The following EYS variants were observed in gnomAD, a reference collection of about 807,000 sequenced individuals.
The protein encoded by EYS is EGF-like photoreceptor maintenance factor.
EYS carries 250 observed loss-of-function variants against 282.1 expected under a neutral mutation model. The observed-to-expected ratio is 0.89, with a 90% CI of 0.80 to 0.98. The LOEUF is 0.98. Among genes scored for constraint, EYS ranks in the 50% least tolerant of loss-of-function variants. The pLI is 0.00. For synonymous variants in EYS, 1,355 were observed against 1,282.9 expected (o/e 1.06, Z -1.20); for missense variants, 4,016 against 3,709.0 (o/e 1.08, Z -2.15).
At chr6:64,059,810 G>A (rs1224088798) in intron 33 of EYS, among the ~76,000 whole-genome samples, 1 of 152,066 alleles carries the variant, frequency 6.6e-6, no homozygotes, top group Non-Finnish European at 1.5e-5. Flanking sequence ...TGTACAGACA[G>A]GCTATGCATG....
At chr6:63,762,131 A>G (rs1194331221) in intron 41 of EYS, among the ~76,000 whole-genome samples, 1 of 152,076 alleles carries the variant, frequency 6.6e-6, no homozygotes, top group African/African-American at 2.4e-5. Context: ...AGAGGCTCCC[A>G]GAGATGAAGT....
Position 64,484,944 on chromosome 6 carries a change from A to G in EYS, c.5645-45592T>C, listed in dbSNP as rs545987219. ...CTGGCCTGAGTTAAATGCTATTCTAATAAGAGGTATCCACTAGATATGATT... is the reference window on the plus strand; with the variant it reads ...CTGGCCTGAGTTAAATGCTATTCTAGTAAGAGGTATCCACTAGATATGATT... On this transcript the variant is annotated intron_variant, in intron 26 of 42. Transcript: ENST00000503581. Among the ~76,000 whole-genome samples, 15 of 151,756 alleles carry G rather than the reference A, an allele frequency of 9.9e-5. No individual in the cohort carries two copies. In the South Asian group the frequency reaches 3.1e-3, roughly 31 times the overall value.
chr6:65,414,575 T>G (rs1025049867), intron 5 of EYS, among the ~76,000 whole-genome samples: 1 of 152,108 alleles, frequency 6.6e-6, no homozygotes, highest in Non-Finnish European at 1.5e-5. Context: ...AAAGGAAGAT[T>G]TAATCTTTTT....
chr6:65,634,473 T>A (rs540106509), intron 2 of EYS, among the ~76,000 whole-genome samples: 27 of 152,184 alleles, frequency 1.8e-4, no homozygotes, highest in Non-Finnish European at 3.8e-4. Context: ...CTACACCCAC[T>A]CCCTTAGCGA....
chr6:65,589,522 A>C (rs920555082), intron 2 of EYS, among the ~76,000 whole-genome samples: 13 of 151,932 alleles, frequency 8.6e-5, no homozygotes, highest in African/African-American at 3.1e-4. Context: ...GAAATGGTTG[A>C]TTCTTATCTT....
intron 26 of EYS, among the ~76,000 whole-genome samples, chr6:64,459,889 T>A (rs3889871): frequency 0.28 from 41,914 of 151,360 alleles, 5,942 homozygotes; most frequent in East Asian, 0.47. Context: ...GCATCCTTCA[T>A]TCCAATCAAG....
intron 31 of EYS, among the ~76,000 whole-genome samples, chr6:64,228,498 T>C (rs1766318352): frequency 6.6e-6 from 1 of 152,166 alleles, no homozygotes; most frequent in Non-Finnish European, 1.5e-5. Context: ...AATTACTAAT[T>C]ATTGATAAAA....
In EYS at chr6:64,720,239, A is replaced by T. The variant is rs1771532041; in HGVS notation, c.3443+93139T>A. Among the ~76,000 whole-genome samples, 3 of 152,046 alleles carry T rather than the reference A, an allele frequency of 2.0e-5. No individual in the cohort carries two copies. In the South Asian group the frequency reaches 6.2e-4, roughly 31 times the overall value. On this transcript the variant is annotated intron_variant, in intron 22 of 42. Coordinates refer to ENST00000503581, the MANE Select transcript of EYS (RefSeq NM_001142800.2). Reference sequence around the variant, plus strand: ...AAAGCCAGCAGTGCAGCATCTTCACATCCTTCTCTAACCTCTGCTTCCTTC... The same window carrying T: ...AAAGCCAGCAGTGCAGCATCTTCACTTCCTTCTCTAACCTCTGCTTCCTTC...
rs149598988 is a variant in EYS, at chr6:63,917,597, G to A, written c.7056-53239C>T. 4.6e-3 allele frequency among the ~76,000 whole-genome samples: 696 copies of A among 152,258 alleles called. 6 individuals carry two copies. The highest frequency in any genetic ancestry group is 0.016 in the African/African-American group (670 of 41,546). ...TAACTTATGAACACTGGGAAAAATT[G>A]TGGATAAAATGTTCTTAAAATTATT... On this transcript the variant is annotated intron_variant, in intron 35 of 42. Transcript: ENST00000503581.
intron 28 of EYS, among the ~76,000 whole-genome samples, chr6:64,435,477 T>G: frequency 6.6e-6 from 1 of 151,030 alleles, no homozygotes; most frequent in African/African-American, 2.4e-5. Context: ...TTTAAACAGA[T>G]GTTTCCTTTT....
At chr6:65,203,241 C>A (rs1765947435) in intron 12 of EYS, among the ~76,000 whole-genome samples, 2 of 152,184 alleles carry the variant, frequency 1.3e-5, no homozygotes, top group East Asian at 1.9e-4. Context: ...ATTTAACTGG[C>A]TTTTAGCCAA....
At chr6:64,840,190 A>G (rs1311951262) in intron 19 of EYS, among the ~76,000 whole-genome samples, 1 of 152,054 alleles carries the variant, frequency 6.6e-6, no homozygotes, top group Non-Finnish European at 1.5e-5. Context: ...CATAATATCT[A>G]CTTTACATAT....
At position 64,675,428 on chromosome 6, in the gene EYS, CTTTTT is replaced by C. The variant is rs56346431; in HGVS notation, c.3444-49188_3444-49184del. On this transcript the variant is annotated intron_variant, in intron 22 of 42. Coordinates refer to ENST00000503581, the MANE Select transcript of EYS (RefSeq NM_001142800.2). The stretch of plus-strand genomic sequence containing the variant: ...GTTTTTCCTGTTTCTCTTTTTTTTT[CTTTTT>C]TTTTTTTTTTTTGAGATGGAGTCTG... 1.7e-4 allele frequency among the ~76,000 whole-genome samples: 20 copies of C among 114,646 alleles called. No individual in the cohort carries two copies. In the South Asian group the frequency reaches 5.4e-3, roughly 31 times the overall value. 75.2% of individuals were successfully genotyped at this position (114,646 alleles called of 152,430 possible). A position where few individuals can be genotyped will look rare whatever the true frequency, so the allele number is the denominator to read the frequency against.
At chr6:64,148,992 ACT>A (rs1774614253) in intron 31 of EYS, among the ~76,000 whole-genome samples, 1 of 152,116 alleles carries the variant, frequency 6.6e-6, no homozygotes, top group African/African-American at 2.4e-5. Context: ...ATAAATGACA[ACT>A]CTAATTATTG....
intron 19 of EYS, among the ~76,000 whole-genome samples, chr6:64,848,364 C>T (rs1765779951): frequency 6.6e-6 from 1 of 151,802 alleles, no homozygotes; most frequent in African/African-American, 2.4e-5. Flanking sequence ...TCAATGGTTC[C>T]TCTTGAATTG....
intron 5 of EYS, among the ~76,000 whole-genome samples, chr6:65,428,409 C>T (rs115210976): frequency 0.025 from 3,760 of 152,084 alleles, 162 homozygotes; most frequent in African/African-American, 0.087. Context: ...ACTTGTATTG[C>T]GCTAATTATG....
intron 29 of EYS, among the ~76,000 whole-genome samples, chr6:64,344,165 C>G (rs1208488085): frequency 2.0e-5 from 3 of 152,112 alleles, no homozygotes; most frequent in Non-Finnish European, 4.4e-5. Context: ...TGAAACTATT[C>G]CAATCAATAG....
At chr6:65,209,533 T>A (rs554611489) in intron 12 of EYS, among the ~76,000 whole-genome samples, 8 of 151,980 alleles carry the variant, frequency 5.3e-5, no homozygotes, top group Non-Finnish European at 1.2e-4. Flanking sequence ...CCCAATTTAA[T>A]GTTTTATGCA....
At chr6:64,564,986 T>C (rs888755553) in intron 26 of EYS, among the ~76,000 whole-genome samples, 1 of 152,188 alleles carries the variant, frequency 6.6e-6, no homozygotes, top group African/African-American at 2.4e-5. Flanking sequence ...TTTTGAGAAA[T>C]GTGTATTCAG....
Sources: gnomAD v4.1 joint callset for allele counts (sites outside exome capture counted in the v4.1 genomes callset) on GRCh38, gnomAD v4.1.1 for gene constraint, MANE v1.5 for transcripts, NCBI Gene and HGNC (gene_info 2026-07-23, HGNC 2026-07-21) for gene names.